Variants in CCNE2 observed in about 807,000 individuals in gnomAD.
The protein encoded by CCNE2 is G1/S-specific cyclin-E2.
In CCNE2, 18 loss-of-function variants were observed where a neutral mutation model predicts 56.8. The observed-to-expected ratio is 0.32, with a 90% CI of 0.22 to 0.47. The LOEUF is 0.47. Among genes scored for constraint, CCNE2 ranks in the 20% least tolerant of loss-of-function variants. CCNE2 has a pLI of 1.00. For synonymous variants in CCNE2, 139 were observed against 149.2 expected, an observed-to-expected ratio of 0.93 and a Z score of 0.50; for missense variants, 371 against 467.1, an observed-to-expected ratio of 0.79 and a Z score of 1.90.
intron 5 of CCNE2, chr8:94,891,997 A>G (rs2131120294): frequency 1.1e-6 from 1 of 891,112 alleles, no homozygotes; most frequent in Non-Finnish European, 1.8e-6. Flanking sequence ...CATCGAAATG[A>G]TCTTTAGTGA....
chr8:94,893,723 G>A, intron 4 of CCNE2, 168 bp downstream of exon 4: 2 of 658,172 alleles, frequency 3.0e-6, no homozygotes, highest in Admixed American at 2.8e-5. Context: ...AGTAGGATTC[G>A]GGCACATAGA....
rs1586562116 is a variant in CCNE2, at chr8:94,895,170, T to C, written c.-27+7A>G. On this transcript the variant is annotated splice_region_variant and intron_variant, in intron 1 of 11. Coordinates refer to ENST00000308108, the MANE Select transcript of CCNE2 (RefSeq NM_057749.3). The stretch of plus-strand genomic sequence containing the variant: ...CCACATCCCCCCTACGCGCAGCAAC[T>C]CCTCACCGCCAGACCAGCTACCGCT... 1.0e-6 allele frequency: 1 copy of C among 985,382 alleles called. No individual in the cohort carries two copies. The highest frequency in any genetic ancestry group is 4.7e-5 in the South Asian group (1 of 21,284). 61.0% of individuals were successfully genotyped at this position (985,382 alleles called of 1,614,324 possible). A position where few individuals can be genotyped will look rare whatever the true frequency, so the allele number is the denominator to read the frequency against.
chr8:94,888,088 A>G lies in CCNE2; in HGVS notation c.454-15T>C. On this transcript the variant is annotated splice_polypyrimidine_tract_variant and intron_variant, in intron 6 of 11. Coordinates refer to ENST00000308108, the MANE Select transcript of CCNE2 (RefSeq NM_057749.3). ...ACTTCACATACCTAGAGAAGAATCC[A>G]AACATTTAAATATTATCTTCTGAAT... 6.7e-7 allele frequency: 1 copy of G among 1,502,552 alleles called. No homozygotes were observed. The highest frequency in any genetic ancestry group is 9.0e-7 in the Non-Finnish European group (1 of 1,116,892). The allele number at this position is 1,502,552 out of a possible 1,614,324, so 93.1% of individuals were successfully genotyped here.
At position 94,890,419 on chromosome 8, in the gene CCNE2, A is replaced by G. The variant is rs758757672; in HGVS notation, c.449T>C (p.Leu150Ser). The stretch of plus-strand genomic sequence containing the variant: ...ATTTGTATTGCTGTAACATACCTCT[A>G]AAAGCCAGTCTAGAAGTATGGACCT... ...QMRSILLDWL[L>S]EVCEVYTLHR... is the part of the protein sequence containing the mutation. Residue 150 changes from leucine to serine, a missense_variant, in exon 6 of 12, where the codon TTA (leucine) becomes TCA (serine). Coordinates refer to ENST00000308108, the MANE Select transcript of CCNE2 (RefSeq NM_057749.3). 1.5e-5 allele frequency: 24 copies of G among 1,573,704 alleles called. No homozygotes were observed. The highest frequency in any genetic ancestry group is 2.1e-5 in the Non-Finnish European group (24 of 1,162,662).
At chr8:94,888,689 T>C (rs1817121678) in intron 6 of CCNE2, among the ~76,000 whole-genome samples, 1 of 152,122 alleles carries the variant, frequency 6.6e-6, no homozygotes, top group East Asian at 1.9e-4. Context: ...CATGCCCAGC[T>C]AATTTTTTGT....
rs1400455331 is a variant in CCNE2, at chr8:94,881,157, A to C, written c.*475T>G. The C allele has an allele frequency of 1.3e-5, 5 of 392,300 alleles. No homozygotes were observed. Among genetic ancestry groups the C allele is most frequent in the Non-Finnish European group, 2.2e-5 (5 of 222,402 alleles). The allele number at this position is 392,300 out of a possible 1,614,324, so 24.3% of individuals were successfully genotyped here. A position where few individuals can be genotyped will look rare whatever the true frequency, so the allele number is the denominator to read the frequency against. On this transcript the variant is annotated 3_prime_UTR_variant, in exon 12 of 12. Coordinates refer to ENST00000308108, the MANE Select transcript of CCNE2 (RefSeq NM_057749.3). ...TTACAAAACTAAACCTTTGTAAACA[A>C]GTTTAAATTTAATTTTCAAGAACCA...
Position 94,880,938 on chromosome 8 carries a change from G to C in CCNE2, c.*694C>G, listed in dbSNP as rs567284447. 3.0e-5 allele frequency: 12 copies of C among 398,594 alleles called. No individual in the cohort carries two copies. The highest frequency in any genetic ancestry group is 4.1e-5 in the African/African-American group (2 of 48,602). 24.7% of individuals were successfully genotyped at this position (398,594 alleles called of 1,614,324 possible). On this transcript the variant is annotated 3_prime_UTR_variant, in exon 12 of 12. Coordinates refer to ENST00000308108, the MANE Select transcript of CCNE2 (RefSeq NM_057749.3). The stretch of plus-strand genomic sequence containing the variant: ...AGGAAGGAGCCACAGCATTTATCTT[G>C]TTTATAATTTCTTTGGTACTCCCAC...
chr8:94,885,613 T>C, intron 7 of CCNE2, 55 bp from the exon 8 acceptor site: 4 of 1,098,122 alleles, frequency 3.6e-6, no homozygotes, highest in Non-Finnish European at 4.1e-6. Flanking sequence ...TAATTACAAA[T>C]GTTCCTCAGT....
Position 94,881,599 on chromosome 8 carries a change from G to A in CCNE2, c.*33C>T. 1 of 1,607,816 alleles carries A rather than the reference G, an allele frequency of 6.2e-7. No individual in the cohort carries two copies. The highest frequency in any genetic ancestry group is 1.1e-5 in the South Asian group (1 of 90,510). On this transcript the variant is annotated 3_prime_UTR_variant, in exon 12 of 12. Transcript: ENST00000308108. ...GTGATACCAGTTCTACCCAATCTTG[G>A]TGAATTCCAACTTGTTTGCTTAGTT...
intron 1 of CCNE2, chr8:94,894,541 G>T: frequency 2.7e-6 from 1 of 373,292 alleles, no homozygotes; most frequent in South Asian, 4.0e-5. Context: ...GGGTTTTTCT[G>T]GGTCCTCCAC....
Position 94,893,906 on chromosome 8 carries a change from ATGTTTCTTGGTG to A in CCNE2, c.138_149del (p.Thr47_His50del), listed in dbSNP as rs1185622726. ...TCTGCATTACCCTAATTTCATACTG[ATGTTTCTTGGTG>A]ACCTCCTCTCTTCTTTTTTTGACAT... is the stretch of plus-strand genomic sequence containing the variant. On this transcript the variant is annotated inframe_deletion, in exon 4 of 12. Transcript: ENST00000308108. The A allele has an allele frequency of 1.9e-6, 3 of 1,611,240 alleles. No individual in the cohort carries two copies. In the South Asian group the frequency reaches 3.3e-5, roughly 18 times the overall value.
intron 9 of CCNE2, chr8:94,883,772 T>TA: frequency 2.8e-6 from 1 of 362,894 alleles, no homozygotes; most frequent in Non-Finnish European, 6.0e-6. Context: ...CTGTATAATC[T>TA]AGGCAATAAG....
At chr8:94,894,295 A>G in intron 1 of CCNE2, 48 bp from the exon 2 acceptor site, 1 of 1,587,660 alleles carries the variant, frequency 6.3e-7, no homozygotes, top group African/African-American at 1.3e-5. Flanking sequence ...TGTCATTCAC[A>G]TTCTCCAAGT....
chr8:94,894,368 G>A (rs1817376618), intron 1 of CCNE2, 121 bp from the exon 2 acceptor site: 3 of 873,202 alleles, frequency 3.4e-6, no homozygotes, highest in Non-Finnish European at 3.7e-6. Context: ...TGGGCCCTGT[G>A]ACCCTGCCAT....
At chr8:94,890,590 TA>T (rs374976328) in intron 5 of CCNE2, 40 bp from the exon 6 acceptor site, 219 of 477,478 alleles carry the variant, frequency 4.6e-4, no homozygotes, top group African/African-American at 3.3e-3. Flanking sequence ...TATATATATA[TA>T]TTTTTTTTTT....
At position 94,882,679 on chromosome 8, in the gene CCNE2, C is replaced by G. The variant is rs190222502; in HGVS notation, c.943+102G>C. 301 of 787,454 alleles carry G rather than the reference C, an allele frequency of 3.8e-4. 2 individuals carry two copies. The highest frequency in any genetic ancestry group is 7.1e-5 in the Non-Finnish European group (34 of 480,544). 48.8% of individuals were successfully genotyped at this position (787,454 alleles called of 1,614,324 possible). ...TACTGAACAGCTAATTTTTTTTTTG[C>G]CAAAGTTTTAAATGCATGTTTAGCA... On this transcript the variant is annotated intron_variant, in intron 10 of 11. Coordinates refer to ENST00000308108, the MANE Select transcript of CCNE2 (RefSeq NM_057749.3).
In CCNE2 at chr8:94,885,571, ATATTTT is replaced by A. The variant is rs1206041332; in HGVS notation, c.601-19_601-14del. 1.3e-5 allele frequency: 19 copies of A among 1,474,112 alleles called. No homozygotes were observed. Among genetic ancestry groups the A allele is most frequent in the Non-Finnish European group, 1.8e-5 (19 of 1,060,046 alleles). 91.3% of individuals were successfully genotyped at this position (1,474,112 alleles called of 1,614,324 possible). A position where few individuals can be genotyped will look rare whatever the true frequency, so the allele number is the denominator to read the frequency against. On this transcript the variant is annotated splice_polypyrimidine_tract_variant and intron_variant, in intron 7 of 11. Transcript: ENST00000308108. ...GAGCATAGATTTCCTTTAAATTGTA[ATATTTT>A]TATTGAGTACAATTGAGATAGAAAT...
chr8:94,887,553 C>T (rs1278932601), intron 7 of CCNE2, among the ~76,000 whole-genome samples: 6 of 151,984 alleles, frequency 3.9e-5, no homozygotes, highest in Non-Finnish European at 7.4e-5. Context: ...TAACCCAACA[C>T]AGTATGCATT....
Position 94,894,044 on chromosome 8 carries a change from G to C in CCNE2, c.90C>G (p.Ala30=). ...TCACCTGGGTAGTTTTCCTCTTCTT[G>C]GCCTGGATTATCTGGGCTTCTTGGG... ...ESPQEAQIIQ[A]KKRKTTQDVK... is the part of the protein sequence containing the mutation. The change falls in exon 3 of 12, where the codon GCC becomes GCG. Residue 30 remains alanine (A), a synonymous_variant. Coordinates refer to ENST00000308108, the MANE Select transcript of CCNE2 (RefSeq NM_057749.3). 2 of 1,613,696 alleles carry C rather than the reference G, an allele frequency of 1.2e-6. No individual in the cohort carries two copies. The highest frequency in any genetic ancestry group is 1.7e-6 in the Non-Finnish European group (2 of 1,179,890).
Sources: allele counts gnomAD v4.1 joint callset (sites outside exome capture counted in the v4.1 genomes callset), GRCh38; gene constraint gnomAD v4.1.1; transcripts MANE v1.5; gene names NCBI Gene and HGNC (gene_info 2026-07-23, HGNC 2026-07-21).